The following SCHIP1 variants were observed in gnomAD, a reference collection of about 807,000 sequenced individuals.
SCHIP1 encodes schwannomin-interacting protein 1.
In SCHIP1, 8 loss-of-function variants were observed where a neutral mutation model predicts 29.7. That is an observed-to-expected ratio of 0.27 (90% CI 0.16 to 0.49). The LOEUF (loss-of-function observed/expected upper bound fraction) is 0.49, where lower values mean the gene tolerates loss of function less well. Among genes scored for constraint, SCHIP1 ranks in the 20% least tolerant of loss-of-function variants. The pLI, the probability that SCHIP1 is intolerant of heterozygous loss-of-function variation, is 0.99. For synonymous variants in SCHIP1, 76 were observed against 94.9 expected (o/e 0.80, Z 1.16); for missense variants, 193 against 294.6 (o/e 0.66, Z 2.52).
At chr3:159,664,542 T>C in the SCHIP1 span, among the ~76,000 whole-genome samples, 90 of 152,346 alleles carry the variant, frequency 5.9e-4, 3 homozygotes, top group South Asian at 6.8e-3. Flanking sequence ...ATTAACATTA[T>C]AAGTTCAATA....
the SCHIP1 span, among the ~76,000 whole-genome samples, chr3:159,654,614 T>G: frequency 6.6e-6 from 1 of 151,704 alleles, no homozygotes; most frequent in Non-Finnish European, 1.5e-5. Flanking sequence ...GTGAAGAAGG[T>G]GATGAAAGCA....
the SCHIP1 span, among the ~76,000 whole-genome samples, chr3:159,586,131 GA>G: frequency 7.3e-3 from 1,073 of 146,230 alleles, 11 homozygotes; most frequent in African/African-American, 0.019. Flanking sequence ...TTTGCAATTG[GA>G]AAAAAAAAAA....
the SCHIP1 span, among the ~76,000 whole-genome samples, chr3:159,671,064 C>T: frequency 6.6e-6 from 1 of 152,172 alleles, no homozygotes; most frequent in Non-Finnish European, 1.5e-5. Context: ...GTCACATACC[C>T]ATGGACCTGG....
intron 2 of SCHIP1, among the ~76,000 whole-genome samples, chr3:159,873,750 A>C (rs139831913): frequency 2.0e-5 from 3 of 152,172 alleles, no homozygotes; most frequent in Non-Finnish European, 4.4e-5. Flanking sequence ...CATTTTTTCT[A>C]TTTAAAAGTG....
At chr3:159,631,437 G>A in the SCHIP1 span, among the ~76,000 whole-genome samples, 1 of 152,158 alleles carries the variant, frequency 6.6e-6, no homozygotes, top group South Asian at 2.1e-4. Flanking sequence ...GTAGAAACAA[G>A]TGTTGACCAG....
chr3:159,888,903 G>C lies in SCHIP1; in HGVS notation c.549G>C (p.Gln183His), dbSNP rs1211233167. 1.9e-6 allele frequency: 3 copies of C among 1,614,096 alleles called. No individual in the cohort carries two copies. In the South Asian group the frequency reaches 3.3e-5, roughly 18 times the overall value. Residue 183 changes from glutamine (Q) to histidine (H), a missense_variant, in exon 5 of 7, where the codon CAG becomes CAC. Gln to His is a conservative substitution (Grantham distance 24). Transcript: ENST00000445224. ...ACCTGAGAGACATGACTATTGGGCA[G>C]CTACAAGTGATAGTCAATGATCTCC...
the SCHIP1 span, among the ~76,000 whole-genome samples, chr3:159,732,415 G>T: frequency 6.6e-6 from 1 of 152,342 alleles, no homozygotes; most frequent in Non-Finnish European, 1.5e-5. Context: ...TGCTGTGCAG[G>T]TGAGTTCCCA....
chr3:159,880,637 C>G (rs550734639), intron 2 of SCHIP1, among the ~76,000 whole-genome samples: 1 of 152,320 alleles, frequency 6.6e-6, no homozygotes, highest in African/African-American at 2.4e-5. Context: ...CTGCAGCAAA[C>G]TAGAAAGTGT....
At chr3:159,432,582 C>G in the SCHIP1 span, among the ~76,000 whole-genome samples, 1 of 152,064 alleles carries the variant, frequency 6.6e-6, no homozygotes, top group East Asian at 1.9e-4. Context: ...CCACTGGCAA[C>G]TAGGTCTTGA....
chr3:159,591,263 C>T, the SCHIP1 span, among the ~76,000 whole-genome samples: 4 of 152,126 alleles, frequency 2.6e-5, no homozygotes, highest in African/African-American at 9.7e-5. Flanking sequence ...TTATTTCTTT[C>T]TCTTGCCTGA....
the SCHIP1 span, among the ~76,000 whole-genome samples, chr3:159,542,241 A>G: frequency 6.6e-6 from 1 of 152,052 alleles, no homozygotes; most frequent in African/African-American, 2.4e-5. Flanking sequence ...GGTGTAATTG[A>G]CATACAACAA....
the SCHIP1 span, among the ~76,000 whole-genome samples, chr3:159,532,197 C>T: frequency 1.3e-5 from 2 of 151,972 alleles, no homozygotes; most frequent in South Asian, 4.2e-4. Context: ...AGGCAAGATG[C>T]CGCTTTTTTT....
the SCHIP1 span, among the ~76,000 whole-genome samples, chr3:159,776,833 G>A: frequency 3.3e-5 from 5 of 152,272 alleles, no homozygotes; most frequent in African/African-American, 1.2e-4. Context: ...CAATCACACT[G>A]GGAATGAGAA....
At chr3:159,792,562 T>C in the SCHIP1 span, among the ~76,000 whole-genome samples, 2 of 152,250 alleles carry the variant, frequency 1.3e-5, no homozygotes, top group South Asian at 4.1e-4. Context: ...AGTTTTTGTT[T>C]GCTTAGATAT....
At chr3:159,479,065 C>G in the SCHIP1 span, among the ~76,000 whole-genome samples, 1 of 151,960 alleles carries the variant, frequency 6.6e-6, no homozygotes, top group Non-Finnish European at 1.5e-5. Context: ...TAATATGCAT[C>G]AATTTTTTAA....
At chr3:159,618,554 A>C in the SCHIP1 span, among the ~76,000 whole-genome samples, 1,509 of 152,350 alleles carry the variant, frequency 9.9e-3, 25 homozygotes, top group African/African-American at 0.034. Context: ...GTGTTCAACT[A>C]TGATGAAGAG....
chr3:159,445,217 G>C, the SCHIP1 span, among the ~76,000 whole-genome samples: 1 of 152,102 alleles, frequency 6.6e-6, no homozygotes, highest in South Asian at 2.1e-4. Flanking sequence ...GTGGGCAAAG[G>C]ATATGAACAG....
At chr3:159,605,153 T>C in the SCHIP1 span, among the ~76,000 whole-genome samples, 1 of 152,176 alleles carries the variant, frequency 6.6e-6, no homozygotes, top group Non-Finnish European at 1.5e-5. Context: ...CTGTAGTTCA[T>C]AATCAGAGAC....
chr3:159,754,678 G>A, the SCHIP1 span, among the ~76,000 whole-genome samples: 3 of 152,156 alleles, frequency 2.0e-5, no homozygotes, highest in African/African-American at 4.8e-5. Context: ...GAGTGAAGGA[G>A]GGTGCCATTA....
Sources: gnomAD v4.1 joint callset for allele counts (sites outside exome capture counted in the v4.1 genomes callset) on GRCh38, gnomAD v4.1.1 for gene constraint, MANE v1.5 for transcripts, NCBI Gene and HGNC (gene_info 2026-07-23, HGNC 2026-07-21) for gene names.